NPTX2: variants seen among roughly 807,000 people sequenced by gnomAD.
NPTX2 encodes neuronal pentraxin 2.
In NPTX2, 23 loss-of-function variants were observed where a neutral mutation model predicts 38.1. That is an observed-to-expected ratio of 0.60 (90% CI 0.43 to 0.85). The LOEUF is 0.85. NPTX2 is among the 40% of genes least tolerant of loss of function. NPTX2 has a pLI of 0.00. For synonymous variants in NPTX2, 291 were observed against 287.3 expected (o/e 1.01, Z -0.13); for missense variants, 553 against 615.3 (o/e 0.90, Z 1.07).
Position 98,618,266 on chromosome 7 carries a change from G to C in NPTX2, c.426+379G>C, listed in dbSNP as rs534301886. ...CTTGCAAATCTCCAAATCTCCGCGA[G>C]CCGGGATGCGCTCCCGCAGGCCGTG... is the stretch of plus-strand genomic sequence containing the variant. On this transcript the variant is annotated intron_variant, in intron 1 of 4. Coordinates refer to ENST00000265634, the MANE Select transcript of NPTX2 (RefSeq NM_002523.3). Among the ~76,000 whole-genome samples the C allele has an allele frequency of 1.7e-4, 26 of 152,260 alleles. No homozygotes were observed. In the South Asian group the frequency reaches 4.4e-3, roughly 26 times the overall value.
chr7:98,624,876 G>C (rs1417688079), intron 2 of NPTX2, 46 bp from the exon 3 acceptor site: 1 of 1,579,902 alleles, frequency 6.3e-7, no homozygotes, highest in Non-Finnish European at 8.6e-7. Flanking sequence ...GGTGGGTGGT[G>C]GGGTGGCCTA....
In NPTX2 at chr7:98,617,898, G is replaced by A. The variant is rs749347917; in HGVS notation, c.426+11G>A. 4 of 1,543,194 alleles carry A rather than the reference G, an allele frequency of 2.6e-6. No individual in the cohort carries two copies. Among genetic ancestry groups the A allele is most frequent in the African/African-American group, 1.4e-5 (1 of 73,322 alleles). On this transcript the variant is annotated intron_variant, in intron 1 of 4. Transcript: ENST00000265634. ...CTGGAGAGCCTCGAGGTAGCGGCCC[G>A]CGGGGAGCGCGGGGGACCTGGAATG... is the stretch of plus-strand genomic sequence containing the variant.
chr7:98,617,763 A>G lies in NPTX2; in HGVS notation c.302A>G (p.Lys101Arg), dbSNP rs1252769961. ...LARCEGLAGGKARGAGATGKD... is the reference protein window; with the variant it reads ...LARCEGLAGGRARGAGATGKD... Reference sequence around the variant, plus strand: ...CGCTGCGAGGGGCTGGCGGGCGGCAAGGCGCGCGGCGCGGGGGCCACGGGC... The same window carrying G: ...CGCTGCGAGGGGCTGGCGGGCGGCAGGGCGCGCGGCGCGGGGGCCACGGGC... Residue 101 changes from lysine to arginine, a missense_variant, in exon 1 of 5, where the codon AAG (lysine) becomes AGG (arginine). Physicochemically the swap from Lys to Arg is conservative, Grantham distance 26. Coordinates refer to ENST00000265634, the MANE Select transcript of NPTX2 (RefSeq NM_002523.3). 5.6e-6 allele frequency: 8 copies of G among 1,431,824 alleles called. No homozygotes were observed. The highest frequency in any genetic ancestry group is 2.9e-5 in the East Asian group (1 of 34,654). 88.7% of individuals were successfully genotyped at this position (1,431,824 alleles called of 1,614,324 possible). A position where few individuals can be genotyped will look rare whatever the true frequency, so the allele number is the denominator to read the frequency against.
Position 98,628,564 on chromosome 7 carries a change from G to A in NPTX2, c.1231G>A (p.Asp411Asn). 6.2e-6 allele frequency: 10 copies of A among 1,610,316 alleles called. No individual in the cohort carries two copies. Among genetic ancestry groups the A allele is most frequent in the South Asian group, 1.1e-5 (1 of 90,244 alleles). ...NIIPWVDNNV[D>N]VFGGASKWPV... ...CATCCCGTGGGTGGACAATAACGTC[G>A]ATGTGTTCGGAGGGGCCTCCAAGTG... Residue 411 changes from aspartate (D) to asparagine (N), a missense_variant, in exon 5 of 5, where the codon GAT becomes AAT. Asp to Asn is a conservative substitution (Grantham distance 23). Coordinates refer to ENST00000265634, the MANE Select transcript of NPTX2 (RefSeq NM_002523.3).
chr7:98,622,844 T>G (rs1791291346), intron 2 of NPTX2, among the ~76,000 whole-genome samples: 1 of 152,188 alleles, frequency 6.6e-6, no homozygotes, highest in Admixed American at 6.5e-5. Context: ...TTGGCAGATA[T>G]GAGTACATGC....
At chr7:98,620,337 A>T (rs765689962) in intron 2 of NPTX2, among the ~76,000 whole-genome samples, 7 of 152,132 alleles carry the variant, frequency 4.6e-5, no homozygotes, top group African/African-American at 7.2e-5. Context: ...CACTAAGCTG[A>T]TGAAGCCACT....
chr7:98,618,585 TCCCCC>T (rs1562848973), intron 1 of NPTX2, among the ~76,000 whole-genome samples: 1 of 18,046 alleles, frequency 5.5e-5, no homozygotes, highest in Non-Finnish European at 9.6e-5. Flanking sequence ...CCTCCCCCCC[TCCCCC>T]TCCGTCCCCC....
chr7:98,617,969 AG>A (rs2115606315), intron 1 of NPTX2, 82 bp downstream of exon 1: 4 of 1,420,614 alleles, frequency 2.8e-6, no homozygotes, highest in Admixed American at 4.4e-5. Context: ...GGATGGGGAA[AG>A]GGGGCCTGGC....
chr7:98,625,619 G>A (rs1317090362), intron 3 of NPTX2, among the ~76,000 whole-genome samples: 1 of 152,108 alleles, frequency 6.6e-6, no homozygotes, highest in Admixed American at 6.5e-5. Flanking sequence ...CCATTTTAAT[G>A]TACAATTCAG....
intron 2 of NPTX2, among the ~76,000 whole-genome samples, chr7:98,620,389 A>G (rs939140479): frequency 7.2e-5 from 11 of 152,156 alleles, no homozygotes; most frequent in African/African-American, 2.2e-4. Flanking sequence ...AGGATGCCCA[A>G]TAGCAGAACA....
At chr7:98,619,618 C>T in intron 1 of NPTX2, 25 bp from the exon 2 acceptor site, 3 of 1,589,722 alleles carry the variant, frequency 1.9e-6, no homozygotes, top group Non-Finnish European at 2.6e-6. Context: ...TTCTGTGCCC[C>T]TCCCTCCTCC....
At chr7:98,623,346 A>G (rs1173420630) in intron 2 of NPTX2, among the ~76,000 whole-genome samples, 1 of 152,184 alleles carries the variant, frequency 6.6e-6, no homozygotes. Context: ...TGGTTTACTT[A>G]ATTTTGAACT....
intron 4 of NPTX2, 127 bp downstream of exon 4, chr7:98,627,471 T>TG: frequency 1.3e-6 from 1 of 745,188 alleles, no homozygotes; most frequent in South Asian, 1.8e-5. Flanking sequence ...CCTGCAGCTG[T>TG]TCCTGCTCCC....
At chr7:98,620,990 A>G (rs75009250) in intron 2 of NPTX2, among the ~76,000 whole-genome samples, 2,507 of 152,254 alleles carry the variant, frequency 0.016, 22 homozygotes, top group Non-Finnish European at 0.023. Flanking sequence ...TGCCCGTTTC[A>G]TAGATGAGAA....
chr7:98,628,882 G>A lies in NPTX2; in HGVS notation c.*253G>A, dbSNP rs2115639988. 5.3e-6 allele frequency: 2 copies of A among 377,152 alleles called. No homozygotes were observed. The highest frequency in any genetic ancestry group is 3.9e-5 in the East Asian group (1 of 25,556). 23.4% of individuals were successfully genotyped at this position (377,152 alleles called of 1,614,324 possible). On this transcript the variant is annotated 3_prime_UTR_variant, in exon 5 of 5. Coordinates refer to ENST00000265634, the MANE Select transcript of NPTX2 (RefSeq NM_002523.3). ...CCCCCAAGACACCTGCCCCAAGTGG[G>A]TGGATATCTGCCTTCCTGCTGCAAG...
At chr7:98,626,936 C>T (rs747587754) in intron 3 of NPTX2, among the ~76,000 whole-genome samples, 28 of 152,186 alleles carry the variant, frequency 1.8e-4, no homozygotes, top group African/African-American at 5.5e-4. Context: ...CACATCTGTT[C>T]GGTCCTCAGC....
At chr7:98,623,314 G>T (rs1562850168) in intron 2 of NPTX2, among the ~76,000 whole-genome samples, 1 of 152,224 alleles carries the variant, frequency 6.6e-6, no homozygotes, top group Non-Finnish European at 1.5e-5. Flanking sequence ...AATCCACGAT[G>T]CCTGGACAAG....
chr7:98,617,822 G>A lies in NPTX2; in HGVS notation c.361G>A (p.Gly121Ser), dbSNP rs900873660. 7 of 1,540,284 alleles carry A rather than the reference G, an allele frequency of 4.5e-6. No homozygotes were observed. Among genetic ancestry groups the A allele is most frequent in the Non-Finnish European group, 6.1e-6 (7 of 1,152,102 alleles). The change falls in exon 1 of 5, where the codon GGC (glycine) becomes AGC (serine). Residue 121 changes from glycine to serine, a missense_variant. Physicochemically the swap from Gly to Ser is moderately conservative, Grantham distance 56. Coordinates refer to ENST00000265634, the MANE Select transcript of NPTX2 (RefSeq NM_002523.3). Reference protein sequence around the residue: ...DTMGDLPRDPGHVVEQLSRSL... With the variant: ...DTMGDLPRDPSHVVEQLSRSL... ...TATGGGCGACCTGCCGCGGGACCCC[G>A]GCCACGTCGTGGAGCAGCTCAGCCG...
chr7:98,627,657 C>A (rs1306785113), intron 4 of NPTX2, among the ~76,000 whole-genome samples: 1 of 152,180 alleles, frequency 6.6e-6, no homozygotes, highest in African/African-American at 2.4e-5. Context: ...CCAAATAGAA[C>A]CTGGCACAGA....
Sources: allele counts gnomAD v4.1 joint callset (sites outside exome capture counted in the v4.1 genomes callset), GRCh38; gene constraint gnomAD v4.1.1; transcripts MANE v1.5; gene names NCBI Gene and HGNC (gene_info 2026-07-23, HGNC 2026-07-21).